CDH12: variants seen among roughly 807,000 people sequenced by gnomAD.
CDH12 encodes the protein cadherin-12.
In CDH12, 41 loss-of-function variants were observed where a neutral mutation model predicts 74.1. That is an observed-to-expected ratio of 0.55 (90% CI 0.43 to 0.72). The LOEUF is 0.72. Ranked by LOEUF, CDH12 falls within the 30% of genes least tolerant of loss-of-function variation. The pLI, the probability that CDH12 is intolerant of heterozygous loss-of-function variation, is 0.00. For synonymous variants in CDH12, 399 were observed against 355.0 expected, an observed-to-expected ratio of 1.12 and a Z score of -1.39; for missense variants, 945 against 977.2, an observed-to-expected ratio of 0.97 and a Z score of 0.44.
intron 3 of CDH12, among the ~76,000 whole-genome samples, chr5:22,264,805 T>C (rs945733561): frequency 2.0e-5 from 3 of 152,190 alleles, no homozygotes; most frequent in Admixed American, 2.0e-4. Flanking sequence ...TCTCTAACTG[T>C]AACTTTCCTG....
chr5:22,727,406 T>A (rs925123037), intron 1 of CDH12, among the ~76,000 whole-genome samples: 1 of 151,654 alleles, frequency 6.6e-6, no homozygotes, highest in Non-Finnish European at 1.5e-5. Context: ...ATTTAGTGGG[T>A]TTTTTTGGTA....
At chr5:22,587,938 AT>A in intron 1 of CDH12, among the ~76,000 whole-genome samples, 1 of 148,364 alleles carries the variant, frequency 6.7e-6, no homozygotes, top group East Asian at 2.0e-4. Flanking sequence ...ATTTATATAT[AT>A]ATTATCCACC....
At chr5:22,822,021 T>C (rs996864501) in intron 1 of CDH12, among the ~76,000 whole-genome samples, 15 of 152,282 alleles carry the variant, frequency 9.9e-5, no homozygotes, top group African/African-American at 2.9e-4. Flanking sequence ...GTGGTACTGG[T>C]ACCAAAACAG....
chr5:22,261,051 ATGTG>A (rs541034254), intron 3 of CDH12, among the ~76,000 whole-genome samples: 8 of 141,806 alleles, frequency 5.6e-5, no homozygotes, highest in Non-Finnish European at 7.9e-5. Context: ...CTATATATAT[ATGTG>A]TGTGTGTGTG....
At chr5:21,936,595 G>A (rs1440645303) in intron 6 of CDH12, among the ~76,000 whole-genome samples, 1 of 152,112 alleles carries the variant, frequency 6.6e-6, no homozygotes, top group Non-Finnish European at 1.5e-5. Flanking sequence ...TTATGGTGGG[G>A]TGGGACGGAA....
At chr5:21,775,638 G>A (rs983381001) in intron 11 of CDH12, among the ~76,000 whole-genome samples, 2 of 151,922 alleles carry the variant, frequency 1.3e-5, no homozygotes, top group East Asian at 1.9e-4. Flanking sequence ...TTCCTTCCAT[G>A]ATGATTTTCT....
At chr5:22,343,148 T>C (rs74528594) in intron 3 of CDH12, among the ~76,000 whole-genome samples, 1 of 151,600 alleles carries the variant, frequency 6.6e-6, no homozygotes, top group Non-Finnish European at 1.5e-5. Flanking sequence ...AGCCACCTCA[T>C]CTGGCCTCCC....
intron 5 of CDH12, among the ~76,000 whole-genome samples, chr5:22,066,870 A>C (rs912510367): frequency 2.6e-5 from 4 of 152,186 alleles, no homozygotes. Context: ...GATTATCATA[A>C]GCTTAGTCAG....
intron 6 of CDH12, among the ~76,000 whole-genome samples, chr5:21,857,224 A>G (rs1228065117): frequency 6.6e-6 from 1 of 151,884 alleles, no homozygotes. Context: ...GGGCATGTTT[A>G]ATGTGCCACA....
At chr5:22,737,431 T>A (rs527964374) in intron 1 of CDH12, among the ~76,000 whole-genome samples, 16 of 152,138 alleles carry the variant, frequency 1.1e-4, no homozygotes, top group African/African-American at 3.8e-4. Flanking sequence ...ACACTTTTTT[T>A]AGCTTTCTTT....
Position 22,853,284 on chromosome 5 carries a change from C to T in CDH12, c.-749G>A, listed in dbSNP as rs975721328. Reference sequence around the variant, plus strand: ...CTTCCTGGAAGAGGCTGCCTCTCTTCTCAGAAAAGCCTGGACCCCTCTCTG... The same window carrying T: ...CTTCCTGGAAGAGGCTGCCTCTCTTTTCAGAAAAGCCTGGACCCCTCTCTG... On this transcript the variant is annotated 5_prime_UTR_variant, in exon 1 of 15. Coordinates refer to ENST00000382254, the MANE Select transcript of CDH12 (RefSeq NM_004061.5). The T allele has an allele frequency of 6.6e-6, 1 of 152,192 alleles. No homozygotes were observed. The highest frequency in any genetic ancestry group is 2.4e-5 in the African/African-American group (1 of 41,446). The allele number at this position is 152,192 out of a possible 1,614,324, so 9.4% of individuals were successfully genotyped here.
intron 6 of CDH12, among the ~76,000 whole-genome samples, chr5:21,873,734 C>T (rs1751770621): frequency 6.6e-6 from 1 of 152,112 alleles, no homozygotes; most frequent in African/African-American, 2.4e-5. Context: ...CAACCTATCA[C>T]CTAGGTATTT....
At chr5:21,758,350 A>ATGTGGAGACTCTGATTT (rs1330183579) in intron 13 of CDH12, among the ~76,000 whole-genome samples, 2 of 152,122 alleles carry the variant, frequency 1.3e-5, no homozygotes, top group East Asian at 3.9e-4. Context: ...CAGTGATAAA[A>ATGTGGAGACTCTGATTT]TGTGGAGACT....
At chr5:22,577,028 G>T (rs1245905947) in intron 1 of CDH12, among the ~76,000 whole-genome samples, 2 of 152,134 alleles carry the variant, frequency 1.3e-5, no homozygotes, top group Non-Finnish European at 2.9e-5. Flanking sequence ...GCAAGACAGA[G>T]AAATGGCATT....
chr5:22,306,141 TCTA>T (rs1253143782), intron 3 of CDH12, among the ~76,000 whole-genome samples: 2 of 152,068 alleles, frequency 1.3e-5, no homozygotes, highest in Non-Finnish European at 2.9e-5. Flanking sequence ...TTTGCCCCCC[TCTA>T]CTACAAGAAC....
chr5:22,561,165 G>A (rs1739030510), intron 1 of CDH12, among the ~76,000 whole-genome samples: 2 of 151,906 alleles, frequency 1.3e-5, no homozygotes, highest in South Asian at 4.2e-4. Context: ...ATGTTTTTGG[G>A]TTTCAAAGTG....
chr5:22,317,477 GTATT>G (rs1349311372), intron 3 of CDH12, among the ~76,000 whole-genome samples: 2 of 151,916 alleles, frequency 1.3e-5, no homozygotes, highest in Non-Finnish European at 2.9e-5. Context: ...ACACACATAT[GTATT>G]TAAAGAGATT....
chr5:21,819,048 G>A (rs1256528734), intron 8 of CDH12, among the ~76,000 whole-genome samples: 1 of 151,920 alleles, frequency 6.6e-6, no homozygotes, highest in East Asian at 1.9e-4. Flanking sequence ...TGAATTTGAG[G>A]CAATCAAATC....
At chr5:21,847,900 T>C (rs1158473060) in intron 7 of CDH12, among the ~76,000 whole-genome samples, 2 of 152,130 alleles carry the variant, frequency 1.3e-5, no homozygotes, top group African/African-American at 2.4e-5. Flanking sequence ...TTTCCTCAAA[T>C]TGAATGTATG....
Sources: allele counts gnomAD v4.1 joint callset (sites outside exome capture counted in the v4.1 genomes callset), GRCh38; gene constraint gnomAD v4.1.1; transcripts MANE v1.5; gene names NCBI Gene and HGNC (gene_info 2026-07-23, HGNC 2026-07-21).